The following GRIK2 variants were observed in gnomAD, a reference collection of about 807,000 sequenced individuals.
GRIK2 encodes the protein glutamate ionotropic receptor kainate type subunit 2.
In GRIK2, 32 loss-of-function variants were observed where a neutral mutation model predicts 100.3. The observed-to-expected ratio is 0.32, with a 90% confidence interval of 0.24 to 0.43. GRIK2 has a LOEUF of 0.43. GRIK2 is among the 20% of genes least tolerant of loss of function. The pLI is 1.00. For missense variants in GRIK2, 843 were observed against 1,114.9 expected (o/e 0.76, Z 3.47); for synonymous variants, 417 against 389.4 (o/e 1.07, Z -0.83).
intron 7 of GRIK2, among the ~76,000 whole-genome samples, chr6:101,767,703 G>A (rs1359585401): frequency 6.6e-6 from 1 of 152,022 alleles, no homozygotes; most frequent in Non-Finnish European, 1.5e-5. Context: ...CTCTGAGGAA[G>A]TCAGGAGCAT....
chr6:101,574,938 T>C (rs961843131), intron 2 of GRIK2, among the ~76,000 whole-genome samples: 3 of 151,834 alleles, frequency 2.0e-5, no homozygotes, highest in Admixed American at 6.6e-5. Flanking sequence ...CTGGGGAAAT[T>C]CTATTGAAAT....
intron 2 of GRIK2, among the ~76,000 whole-genome samples, chr6:101,445,818 A>G (rs528287814): frequency 1.3e-5 from 2 of 152,214 alleles, no homozygotes; most frequent in South Asian, 4.1e-4. Flanking sequence ...GCACACATAG[A>G]AACTATTTTT....
intron 15 of GRIK2, among the ~76,000 whole-genome samples, chr6:102,052,375 C>G (rs1304615320): frequency 6.6e-6 from 1 of 152,064 alleles, no homozygotes. Flanking sequence ...ACATTTGATT[C>G]AAATCAAATA....
At chr6:101,455,360 T>C (rs1391072628) in intron 2 of GRIK2, among the ~76,000 whole-genome samples, 1 of 152,144 alleles carries the variant, frequency 6.6e-6, no homozygotes, top group Admixed American at 6.6e-5. Flanking sequence ...ACAATGCTTC[T>C]TAAGTGACTA....
intron 2 of GRIK2, among the ~76,000 whole-genome samples, chr6:101,522,653 A>G (rs1774934404): frequency 6.6e-6 from 1 of 152,150 alleles, no homozygotes; most frequent in Non-Finnish European, 1.5e-5. Flanking sequence ...CATGTCCACT[A>G]AACCTTGCAT....
chr6:101,617,716 G>A (rs1320878472), intron 2 of GRIK2, among the ~76,000 whole-genome samples: 1 of 151,432 alleles, frequency 6.6e-6, no homozygotes, highest in East Asian at 1.9e-4. Context: ...TATGTACATT[G>A]TCCATTTCAA....
chr6:101,629,180 C>T (rs190376460), intron 4 of GRIK2, among the ~76,000 whole-genome samples: 31 of 152,088 alleles, frequency 2.0e-4, no homozygotes, highest in Non-Finnish European at 4.0e-4. Flanking sequence ...TTTAGTTACT[C>T]GTTACTATTT....
chr6:101,602,935 A>G (rs1296948923), intron 2 of GRIK2, among the ~76,000 whole-genome samples: 3 of 151,692 alleles, frequency 2.0e-5, no homozygotes, highest in African/African-American at 2.4e-5. Flanking sequence ...TTGGAACAAG[A>G]TTATCATCTC....
intron 2 of GRIK2, among the ~76,000 whole-genome samples, chr6:101,533,212 G>A (rs1775527230): frequency 6.6e-6 from 1 of 151,616 alleles, no homozygotes; most frequent in African/African-American, 2.4e-5. Flanking sequence ...TCTTGTGCAG[G>A]GGATGCTCTT....
chr6:101,517,084 A>T (rs1323942015), intron 2 of GRIK2, among the ~76,000 whole-genome samples: 1 of 152,124 alleles, frequency 6.6e-6, no homozygotes, highest in Non-Finnish European at 1.5e-5. Context: ...AAATTAAGGT[A>T]CTTATCTTCA....
intron 2 of GRIK2, 33 bp downstream of exon 2, chr6:101,399,425 A>G (rs773082386): frequency 9.3e-7 from 1 of 1,080,600 alleles, no homozygotes. Context: ...GTTGCCTGGT[A>G]TCCGCTCCCA....
chr6:101,947,033 A>G (rs1039362597), intron 14 of GRIK2, among the ~76,000 whole-genome samples: 1 of 152,142 alleles, frequency 6.6e-6, no homozygotes, highest in Non-Finnish European at 1.5e-5. Flanking sequence ...AACTTTTAAA[A>G]AGATTTACAT....
At chr6:101,692,440 G>A (rs774939171) in intron 7 of GRIK2, among the ~76,000 whole-genome samples, 24 of 152,016 alleles carry the variant, frequency 1.6e-4, no homozygotes, top group Non-Finnish European at 3.4e-4. Flanking sequence ...AGGCACTCAG[G>A]ATTTGGTAAT....
At chr6:101,466,985 C>G (rs966249431) in intron 2 of GRIK2, among the ~76,000 whole-genome samples, 1 of 152,104 alleles carries the variant, frequency 6.6e-6, no homozygotes, top group Non-Finnish European at 1.5e-5. Flanking sequence ...TTGATCTAAG[C>G]ACCCGCTAAT....
chr6:101,989,795 C>T (rs1794252829), intron 14 of GRIK2, among the ~76,000 whole-genome samples: 2 of 151,458 alleles, frequency 1.3e-5, no homozygotes, highest in African/African-American at 2.4e-5. Flanking sequence ...GGCTAATAAA[C>T]TCCTCATTGA....
intron 2 of GRIK2, among the ~76,000 whole-genome samples, chr6:101,564,624 A>G (rs183112008): frequency 2.6e-4 from 39 of 152,210 alleles, no homozygotes; most frequent in Admixed American, 2.2e-3. Context: ...ATTTTCTACC[A>G]GACACTGGGA....
intron 2 of GRIK2, among the ~76,000 whole-genome samples, chr6:101,595,955 ATTTTT>A (rs61558249): frequency 1.4e-5 from 2 of 141,966 alleles, no homozygotes; most frequent in South Asian, 2.2e-4. Context: ...ATTCATTAAA[ATTTTT>A]TTTTTTTTTT....
At chr6:101,893,476 G>A (rs1056826559) in intron 12 of GRIK2, among the ~76,000 whole-genome samples, 1 of 151,614 alleles carries the variant, frequency 6.6e-6, no homozygotes, top group South Asian at 2.1e-4. Flanking sequence ...ATTATAATGA[G>A]TGATTTAAAT....
At chr6:101,612,556 G>A (rs1779726054) in intron 2 of GRIK2, among the ~76,000 whole-genome samples, 1 of 151,758 alleles carries the variant, frequency 6.6e-6, no homozygotes, top group Non-Finnish European at 1.5e-5. Flanking sequence ...TCAAATTGCA[G>A]GAGTTTGCAT....
Sources: gnomAD v4.1 joint callset for allele counts (sites outside exome capture counted in the v4.1 genomes callset) on GRCh38, gnomAD v4.1.1 for gene constraint, MANE v1.5 for transcripts, NCBI Gene and HGNC (gene_info 2026-07-23, HGNC 2026-07-21) for gene names.